Variants in SDK1 observed in about 807,000 individuals in gnomAD.
SDK1 encodes sidekick cell adhesion molecule 1, also known as protein sidekick-1.
Under a neutral mutation model 245.5 loss-of-function variants are expected in SDK1, and 157 were observed. The ratio of observed to expected loss-of-function variants is 0.64; its 90% confidence interval spans 0.56 to 0.73. SDK1 has a LOEUF of 0.73. Among genes scored for constraint, SDK1 ranks in the 30% least tolerant of loss-of-function variants. SDK1 has a pLI of 0.00. For synonymous variants in SDK1, 1,647 were observed against 1,278.5 expected (o/e 1.29, Z -6.15); for missense variants, 3,583 against 3,002.3 (o/e 1.19, Z -4.52).
At chr7:3,569,275 T>G (rs1048461698) in intron 1 of SDK1, among the ~76,000 whole-genome samples, 3 of 152,170 alleles carry the variant, frequency 2.0e-5, no homozygotes, top group East Asian at 1.9e-4. Context: ...GTAAGGCAGA[T>G]AGACAAATGC....
rs34165148 is a variant in SDK1, at chr7:3,590,778, CTT to C, written c.299-28281_299-28280del. Among the ~76,000 whole-genome samples the C allele has an allele frequency of 7.9e-3, 905 of 115,182 alleles. 11 individuals are homozygous for C. Among genetic ancestry groups the C allele is most frequent in the African/African-American group, 0.024 (702 of 28,792 alleles). The allele number at this position is 115,182 out of a possible 152,430, so 75.6% of individuals were successfully genotyped here. A position where few individuals can be genotyped will look rare whatever the true frequency, so the allele number is the denominator to read the frequency against. ...TCTGCAGTGAGGGCTGAGTATAGCA[CTT>C]TTTTTTTTTTTTTTTTTTTTAAGGC... On this transcript the variant is annotated intron_variant, in intron 1 of 44. Transcript: ENST00000404826.
chr7:4,181,994 A>T (rs1377355450), intron 35 of SDK1, among the ~76,000 whole-genome samples: 4 of 151,986 alleles, frequency 2.6e-5, no homozygotes, highest in Non-Finnish European at 2.9e-5. Context: ...ATCTCAGCTC[A>T]CTGCAATCTC....
At chr7:3,482,675 A>G (rs989840030) in intron 1 of SDK1, among the ~76,000 whole-genome samples, 6 of 152,150 alleles carry the variant, frequency 3.9e-5, no homozygotes, top group African/African-American at 1.2e-4. Flanking sequence ...CCAGCAAACA[A>G]TTCAACGTGG....
At chr7:3,845,395 C>T (rs1448562004) in intron 5 of SDK1, among the ~76,000 whole-genome samples, 2 of 146,168 alleles carry the variant, frequency 1.4e-5, no homozygotes, top group Non-Finnish European at 3.0e-5. Context: ...GAGGCAGAGG[C>T]AGGAGAATCG....
At chr7:3,719,901 C>T (rs1391147758) in intron 4 of SDK1, among the ~76,000 whole-genome samples, 2 of 151,534 alleles carry the variant, frequency 1.3e-5, no homozygotes, top group Admixed American at 6.6e-5. Context: ...TGCTTGAACC[C>T]GGGAGGCGGA....
chr7:3,330,529 A>G (rs931813838), intron 1 of SDK1, among the ~76,000 whole-genome samples: 2 of 152,130 alleles, frequency 1.3e-5, no homozygotes, highest in African/African-American at 4.8e-5. Context: ...AGAGATTTGC[A>G]CTGACATGCA....
intron 4 of SDK1, among the ~76,000 whole-genome samples, chr7:3,797,458 TACACACAC>T (rs34376723): frequency 0.13 from 19,247 of 147,540 alleles, 1,335 homozygotes; most frequent in Middle Eastern, 0.28. Context: ...GGGGTGTGTA[TACACACAC>T]ACACACACAC....
intron 4 of SDK1, among the ~76,000 whole-genome samples, chr7:3,774,172 G>A (rs567292479): frequency 1.3e-4 from 19 of 143,036 alleles, no homozygotes; most frequent in South Asian, 1.1e-3. Flanking sequence ...CCAAGATAGC[G>A]CCACTGCACT....
intron 4 of SDK1, among the ~76,000 whole-genome samples, chr7:3,693,580 T>G (rs2114998548): frequency 6.6e-6 from 1 of 152,326 alleles, no homozygotes; most frequent in East Asian, 1.9e-4. Context: ...AGATGCCATG[T>G]TTTTTGTGTG....
chr7:3,631,352 A>C (rs915271434), intron 2 of SDK1, among the ~76,000 whole-genome samples: 1 of 152,040 alleles, frequency 6.6e-6, no homozygotes, highest in East Asian at 1.9e-4. Flanking sequence ...TCATCACCCA[A>C]CCTAATTGTG....
intron 17 of SDK1, among the ~76,000 whole-genome samples, chr7:4,035,127 T>C (rs6977489): frequency 0.31 from 47,518 of 151,716 alleles, 11,650 homozygotes; most frequent in African/African-American, 0.69. Context: ...TACAAGCACG[T>C]ACCACCATGC....
intron 1 of SDK1, among the ~76,000 whole-genome samples, chr7:3,429,977 A>G (rs552198359): frequency 6.6e-6 from 1 of 152,272 alleles, no homozygotes; most frequent in Non-Finnish European, 1.5e-5. Flanking sequence ...CTGTATATAC[A>G]TTTCTTTCTG....
At chr7:3,944,764 A>T (rs765255021) in intron 5 of SDK1, among the ~76,000 whole-genome samples, 3 of 152,226 alleles carry the variant, frequency 2.0e-5, no homozygotes. Flanking sequence ...ACGTAGGTCC[A>T]CAATGACAAA....
chr7:3,961,925 A>G (rs1426274639), intron 8 of SDK1, among the ~76,000 whole-genome samples: 1 of 152,168 alleles, frequency 6.6e-6, no homozygotes, highest in Non-Finnish European at 1.5e-5. Flanking sequence ...ACAGATGTAC[A>G]CACACATATA....
intron 1 of SDK1, among the ~76,000 whole-genome samples, chr7:3,472,120 T>G (rs1346789326): frequency 6.6e-6 from 1 of 152,170 alleles, no homozygotes; most frequent in African/African-American, 2.4e-5. Context: ...CTTCCCACTG[T>G]GTTGTGGGTT....
rs369425101 is a variant in SDK1, at chr7:3,951,805, A to G, written c.1035A>G (p.Arg345=). 4 of 1,613,930 alleles carry G rather than the reference A, an allele frequency of 2.5e-6. No individual in the cohort carries two copies. In the African/African-American group the frequency reaches 5.3e-5, roughly 22 times the overall value. ...CCAGTGGCCTCCACAGCTTTGGAAG[A>G]CGCCTCACCATCAGCAACCCGACGT... ...RITSGLHSFG[R]RLTISNPTSA... Residue 345 remains arginine, a synonymous_variant, in exon 7 of 45, where the codon AGA becomes AGG. Transcript: ENST00000404826.
intron 1 of SDK1, among the ~76,000 whole-genome samples, chr7:3,504,180 A>ATGTGTGTGTGTGTGTGTGTGTGTGTG (rs1338465819): frequency 3.5e-4 from 31 of 89,480 alleles, no homozygotes; most frequent in South Asian, 1.0e-3. Context: ...ATATATATAT[A>ATGTGTGTGTGTGTGTGTGTGTGTGTG]TATGTGTGTG....
chr7:4,031,027 G>A (rs564903384), intron 17 of SDK1, among the ~76,000 whole-genome samples: 5 of 152,104 alleles, frequency 3.3e-5, no homozygotes, highest in African/African-American at 9.6e-5. Flanking sequence ...ACATACATGC[G>A]CAAACAGAGA....
chr7:3,381,907 T>G (rs1405214218), intron 1 of SDK1, among the ~76,000 whole-genome samples: 3 of 152,160 alleles, frequency 2.0e-5, no homozygotes, highest in Non-Finnish European at 4.4e-5. Context: ...TTAGTTGACA[T>G]TTTTGAATGA....
Sources: gnomAD v4.1 joint callset for allele counts (sites outside exome capture counted in the v4.1 genomes callset) on GRCh38, gnomAD v4.1.1 for gene constraint, MANE v1.5 for transcripts, NCBI Gene and HGNC (gene_info 2026-07-23, HGNC 2026-07-21) for gene names.